The following PALM2AKAP2 variants were observed in gnomAD, a reference collection of about 807,000 sequenced individuals.
The protein encoded by PALM2AKAP2 is PALM2 and AKAP2 fusion, also known as PALM2-AKAP2 fusion protein.
A neutral mutation model predicts 71.5 loss-of-function variants in PALM2AKAP2; 37 were observed. That is an observed-to-expected ratio of 0.52 (90% CI 0.40 to 0.68). PALM2AKAP2 has a LOEUF of 0.68. Among genes scored for constraint, PALM2AKAP2 ranks in the 30% least tolerant of loss-of-function variants. The probability of loss-of-function intolerance (pLI) is 0.00; values close to 1 mark genes in which losing one functional copy is unlikely to be tolerated. For missense variants in PALM2AKAP2, 1,224 were observed against 1,191.8 expected (o/e 1.03, Z -0.40); for synonymous variants, 468 against 478.8 (o/e 0.98, Z 0.29).
intron 3 of PALM2AKAP2, among the ~76,000 whole-genome samples, chr9:109,896,181 G>T (rs148624292): frequency 2.6e-5 from 4 of 150,974 alleles, no homozygotes; most frequent in African/African-American, 9.8e-5. Context: ...GTGAAACTCC[G>T]TCTCAAAAAG....
intron 1 of PALM2AKAP2, among the ~76,000 whole-genome samples, chr9:109,744,427 T>C (rs1828768329): frequency 6.6e-6 from 1 of 152,194 alleles, no homozygotes; most frequent in Non-Finnish European, 1.5e-5. Context: ...ATCTTGCAGA[T>C]CTCAGCTGAT....
chr9:109,735,015 G>C (rs903766528), intron 1 of PALM2AKAP2, among the ~76,000 whole-genome samples: 1 of 151,784 alleles, frequency 6.6e-6, no homozygotes, highest in Admixed American at 6.6e-5. Flanking sequence ...ACTCTCTGGT[G>C]GGCCAAGCTG....
chr9:110,029,130 G>A (rs935503331), intron 7 of PALM2AKAP2, among the ~76,000 whole-genome samples: 8 of 151,982 alleles, frequency 5.3e-5, no homozygotes, highest in African/African-American at 1.9e-4. Flanking sequence ...TACCTCATTG[G>A]TTTCTCTATG....
At chr9:109,985,722 T>C (rs900680818) in intron 6 of PALM2AKAP2, among the ~76,000 whole-genome samples, 1 of 150,782 alleles carries the variant, frequency 6.6e-6, no homozygotes, top group African/African-American at 2.4e-5. Flanking sequence ...TGATCTCTGC[T>C]CACTGCAACC....
intron 3 of PALM2AKAP2, among the ~76,000 whole-genome samples, chr9:109,892,219 C>T (rs998164643): frequency 1.3e-5 from 2 of 152,192 alleles, no homozygotes; most frequent in Non-Finnish European, 2.9e-5. Context: ...TTGCCTCTCT[C>T]AGCTTAGTGG....
chr9:109,958,846 A>T (rs35671851), intron 6 of PALM2AKAP2, among the ~76,000 whole-genome samples: 1,918 of 152,312 alleles, frequency 0.013, 50 homozygotes, highest in African/African-American at 0.044. Flanking sequence ...GCCACCCGTC[A>T]CTGCCTTGTT....
intron 1 of PALM2AKAP2, among the ~76,000 whole-genome samples, chr9:109,809,333 T>C (rs1040505365): frequency 2.6e-5 from 4 of 152,202 alleles, no homozygotes; most frequent in South Asian, 4.1e-4. Flanking sequence ...AACCCACCTC[T>C]TGCATCAGCG....
intron 3 of PALM2AKAP2, among the ~76,000 whole-genome samples, chr9:110,160,467 G>T (rs1360068537): frequency 6.6e-6 from 1 of 152,182 alleles, no homozygotes; most frequent in Non-Finnish European, 1.5e-5. Flanking sequence ...CCAAGGTGGG[G>T]TTGCCCACTC....
At chr9:109,786,817 A>G (rs1826982374) in intron 1 of PALM2AKAP2, among the ~76,000 whole-genome samples, 2 of 152,318 alleles carry the variant, frequency 1.3e-5, no homozygotes, top group South Asian at 2.1e-4. Context: ...AAGTCATCAT[A>G]GAAAAAGCTA....
intron 1 of PALM2AKAP2, among the ~76,000 whole-genome samples, chr9:110,114,706 A>G (rs1211390834): frequency 1.3e-5 from 2 of 152,240 alleles, no homozygotes; most frequent in East Asian, 3.8e-4. Flanking sequence ...GGTCAACAGC[A>G]GGCAGCCCTG....
chr9:110,144,191 A>G (rs932905148), intron 2 of PALM2AKAP2, among the ~76,000 whole-genome samples: 1 of 152,254 alleles, frequency 6.6e-6, no homozygotes, highest in Non-Finnish European at 1.5e-5. Flanking sequence ...TCCCTGTGTC[A>G]GCATCTGACA....
rs368466862 is a variant in PALM2AKAP2 at position 109,744,312 on chromosome 9, T to A, written c.6-36176T>A. ...AGAATAACTGAAACAGAAATAATTA[T>A]AAAGACTTTGAAGAAACAATTTTCT... On this transcript the variant is annotated intron_variant, in intron 1 of 6. Transcript: ENST00000374531. Among the ~76,000 whole-genome samples, 368 of 152,306 alleles carry A rather than the reference T, an allele frequency of 2.4e-3. 3 individuals are homozygous for A. In the Middle Eastern group the frequency reaches 0.034, roughly 14 times the overall value.
intron 6 of PALM2AKAP2, among the ~76,000 whole-genome samples, chr9:109,960,624 A>G (rs76524669): frequency 0.011 from 1,678 of 152,344 alleles, 37 homozygotes; most frequent in African/African-American, 0.038. Context: ...TAAAAAGAAA[A>G]AAAAGATGTA....
At chr9:109,862,743 A>G (rs1829345305) in intron 1 of PALM2AKAP2, among the ~76,000 whole-genome samples, 1 of 152,274 alleles carries the variant, frequency 6.6e-6, no homozygotes. Context: ...GACTAGGCAG[A>G]TCAAAATTGA....
At chr9:109,796,362 G>T (rs1827252702) in intron 1 of PALM2AKAP2, among the ~76,000 whole-genome samples, 1 of 152,218 alleles carries the variant, frequency 6.6e-6, no homozygotes. Context: ...TATTAGAAAA[G>T]TTAAAGATAA....
chr9:110,137,556 C>A (rs1374197195), exon 2 of PALM2AKAP2: 1 of 1,614,182 alleles, frequency 6.2e-7, no homozygotes. Context: ...TTTACGAGCG[C>A]CCGGGCTGTC....
At chr9:110,141,150 G>T (rs553132069) in intron 2 of PALM2AKAP2, among the ~76,000 whole-genome samples, 12 of 152,158 alleles carry the variant, frequency 7.9e-5, no homozygotes, top group African/African-American at 2.9e-4. Flanking sequence ...TGTCCATCAG[G>T]CTTCCCCACC....
At chr9:110,107,447 C>T (rs1040814838) in intron 1 of PALM2AKAP2, among the ~76,000 whole-genome samples, 3 of 152,080 alleles carry the variant, frequency 2.0e-5, no homozygotes, top group African/African-American at 4.8e-5. Context: ...TCAATTGAGT[C>T]GGGGTGGAGA....
chr9:110,080,056 C>T (rs537098943), intron 1 of PALM2AKAP2, among the ~76,000 whole-genome samples: 9 of 108,166 alleles, frequency 8.3e-5, no homozygotes, highest in East Asian at 5.5e-4. Flanking sequence ...GGTGACAGAG[C>T]GAGACTCTGT....
Sources: gnomAD v4.1 joint callset for allele counts (sites outside exome capture counted in the v4.1 genomes callset) on GRCh38, gnomAD v4.1.1 for gene constraint, MANE v1.5 for transcripts, NCBI Gene and HGNC (gene_info 2026-07-23, HGNC 2026-07-21) for gene names.